BAZ1A: variants seen among roughly 807,000 people sequenced by gnomAD.
BAZ1A encodes bromodomain adjacent to zinc finger domain protein 1A.
In BAZ1A, 50 loss-of-function variants were observed where a neutral mutation model predicts 185.2. The ratio of observed to expected loss-of-function variants is 0.27; its 90% CI spans 0.22 to 0.34. The LOEUF (loss-of-function observed/expected upper bound fraction) is 0.34. Among genes scored for constraint, BAZ1A ranks in the 10% least tolerant of loss-of-function variants. The probability of loss-of-function intolerance (pLI) is 1.00; values close to 1 mark genes in which losing one functional copy is unlikely to be tolerated. For missense variants in BAZ1A, 1,356 were observed against 1,839.9 expected (o/e 0.74, Z 4.81); for synonymous variants, 571 against 615.6 (o/e 0.93, Z 1.07).
chr14:34,766,010 A>G (rs968337318), intron 21 of BAZ1A, among the ~76,000 whole-genome samples: 8 of 152,206 alleles, frequency 5.3e-5, no homozygotes, highest in Non-Finnish European at 1.0e-4. Flanking sequence ...TCCTACTATT[A>G]TTCTCAAATA....
intron 12 of BAZ1A, among the ~76,000 whole-genome samples, chr14:34,787,277 TG>T (rs1216445828): frequency 7.3e-6 from 1 of 137,284 alleles, no homozygotes. Context: ...CACTTGAACC[TG>T]GGAGGCAGAG....
chr14:34,864,136 A>AT (rs897665189), intron 2 of BAZ1A, among the ~76,000 whole-genome samples: 20 of 150,554 alleles, frequency 1.3e-4, no homozygotes, highest in South Asian at 2.1e-4. Flanking sequence ...TTGAATTTTT[A>AT]TTTTTTTTTA....
rs554840929 is a variant in BAZ1A at position 34,813,857 on chromosome 14, A to G, written c.537-2821T>C. On this transcript the variant is annotated intron_variant, in intron 4 of 26. Coordinates refer to ENST00000360310, the MANE Select transcript of BAZ1A (RefSeq NM_013448.3). ...GTTTAGTTTGCGACTAGCCTGGCCA[A>G]CATGGTGAAACCTCGTCTCTACTGA... 6.3e-4 allele frequency among the ~76,000 whole-genome samples: 96 copies of G among 152,172 alleles called. No individual in the cohort carries two copies. In the South Asian group the frequency reaches 7.9e-3, roughly 12 times the overall value.
At chr14:34,787,464 C>G (rs1880555089) in intron 12 of BAZ1A, among the ~76,000 whole-genome samples, 1 of 151,652 alleles carries the variant, frequency 6.6e-6, no homozygotes, top group African/African-American at 2.4e-5. Flanking sequence ...GCGGGCAGAT[C>G]ACTTGAGGTC....
chr14:34,754,417 C>CAAAAAAAAA (rs111245900), intron 26 of BAZ1A, among the ~76,000 whole-genome samples: 2 of 104,862 alleles, frequency 1.9e-5, no homozygotes, highest in African/African-American at 3.6e-5. Context: ...AGACGTATCT[C>CAAAAAAAAA]AAAAAAAAAA....
intron 17 of BAZ1A, among the ~76,000 whole-genome samples, chr14:34,779,441 G>T (rs932193419): frequency 6.8e-6 from 1 of 146,096 alleles, no homozygotes; most frequent in Non-Finnish European, 1.5e-5. Context: ...TAAAAGCTCT[G>T]ATCATATTAG....
At chr14:34,866,453 A>G in intron 2 of BAZ1A, among the ~76,000 whole-genome samples, 1 of 142,072 alleles carries the variant, frequency 7.0e-6, no homozygotes, top group East Asian at 2.0e-4. Flanking sequence ...GCACCATTGC[A>G]CTCTAGCCTG....
At position 34,862,130 on chromosome 14, in the gene BAZ1A, A is replaced by G. The variant is rs755212628; in HGVS notation, c.306T>C (p.His102=). The part of the protein sequence containing the change: ...LTSLTHRSRL[H]EICDDIFAYV... ...ATGCAAAGATATCATCACAAATTTC[A>G]TGTAAGCGCGAACGATGGGTAAGGC... is the stretch of plus-strand genomic sequence containing the variant. The change falls in exon 3 of 27, where the codon CAT becomes CAC. Residue 102 remains histidine, a synonymous_variant. Coordinates refer to ENST00000360310, the MANE Select transcript of BAZ1A (RefSeq NM_013448.3). 1.1e-5 allele frequency: 17 copies of G among 1,614,092 alleles called. No homozygotes were observed. The highest frequency in any genetic ancestry group is 6.7e-5 in the Admixed American group (4 of 59,996).
rs1043732731 is a variant in BAZ1A, at chr14:34,836,357, C to T, written c.393-10201G>A. On this transcript the variant is annotated intron_variant, in intron 3 of 26. Transcript: ENST00000360310. Reference sequence around the variant, plus strand: ...TCGCGCCACTGCACTCCAGCCTGGGCGACAGAGCGAGACTCCGTCTCAAAA... The same window carrying T: ...TCGCGCCACTGCACTCCAGCCTGGGTGACAGAGCGAGACTCCGTCTCAAAA... 1.6e-3 allele frequency among the ~76,000 whole-genome samples: 33 copies of T among 20,698 alleles called. 5 individuals are homozygous for T. Among genetic ancestry groups the T allele is most frequent in the African/African-American group, 4.7e-3 (33 of 6,978 alleles). The allele number at this position is 20,698 out of a possible 152,430, so 13.6% of individuals were successfully genotyped here. A position where few individuals can be genotyped will look rare whatever the true frequency, so the allele number is the denominator to read the frequency against.
chr14:34,777,036 G>A (rs899587730), intron 17 of BAZ1A, among the ~76,000 whole-genome samples: 20 of 152,208 alleles, frequency 1.3e-4, no homozygotes, highest in African/African-American at 4.8e-4. Context: ...TGCAAAATCT[G>A]TCATTTCCAT....
chr14:34,783,128 A>G lies in BAZ1A; in HGVS notation c.2102T>C (p.Ile701Thr), dbSNP rs1434834815. ...EDEQRNSTAD[I>T]SIGEEEREDF... ...GTGATTCAAACCATACCCAATAGAT[A>G]TATCTGCCGTTGAATTTCTTTGCTC... Residue 701 changes from isoleucine (I) to threonine (T), a missense_variant, in exon 16 of 27, where the codon ATA (isoleucine) becomes ACA (threonine). By Grantham distance (89) the Ile-to-Thr change is moderately conservative. This residue lies in a region of BAZ1A where 434 missense variants were observed against 561.7 expected (regional missense o/e 0.77). Transcript: ENST00000360310. 6.3e-7 allele frequency: 1 copy of G among 1,599,072 alleles called. No homozygotes were observed. Among genetic ancestry groups the G allele is most frequent in the Admixed American group, 1.7e-5 (1 of 59,770 alleles).
chr14:34,825,925 G>A (rs1190827292), intron 4 of BAZ1A, 88 bp downstream of exon 4: 1 of 1,291,414 alleles, frequency 7.7e-7, no homozygotes, highest in Non-Finnish European at 1.0e-6. Context: ...GCAAAAGAGT[G>A]AAACTCTATC....
At chr14:34,793,058 G>T in intron 11 of BAZ1A, 137 bp from the exon 12 acceptor site, 2 of 769,504 alleles carry the variant, frequency 2.6e-6, no homozygotes, top group East Asian at 3.0e-5. Context: ...GTATAACCAA[G>T]TATTATCCAA....
intron 7 of BAZ1A, among the ~76,000 whole-genome samples, chr14:34,801,631 G>A (rs1485555586): frequency 5.9e-5 from 9 of 152,240 alleles, no homozygotes; most frequent in Middle Eastern, 3.4e-3. Context: ...TAATTGGGCC[G>A]GGCACAGTGG....
chr14:34,848,810 G>A (rs372612663), intron 3 of BAZ1A, among the ~76,000 whole-genome samples: 4 of 151,998 alleles, frequency 2.6e-5, no homozygotes, highest in African/African-American at 7.3e-5. Context: ...AATCCAATTC[G>A]GCCATTTTAC....
rs1886116408 is a variant in BAZ1A, at chr14:34,753,714, G to A, written c.4475-10C>T. The A allele has an allele frequency of 2.6e-6, 4 of 1,539,080 alleles. No homozygotes were observed. Among genetic ancestry groups the A allele is most frequent in the East Asian group, 2.3e-5 (1 of 43,386 alleles). ...TCATCAATAAACTCAGCTAGAAAGG[G>A]AAAGAGACAAAAAGATTAGAATGAA... is the stretch of plus-strand genomic sequence containing the variant. On this transcript the variant is annotated splice_polypyrimidine_tract_variant and intron_variant, in intron 26 of 26. Coordinates refer to ENST00000360310, the MANE Select transcript of BAZ1A (RefSeq NM_013448.3).
intron 3 of BAZ1A, among the ~76,000 whole-genome samples, chr14:34,851,176 CAT>C (rs1159497493): frequency 1.6e-4 from 24 of 151,538 alleles, no homozygotes; most frequent in African/African-American, 2.7e-4. Flanking sequence ...CTGCTAAAAA[CAT>C]AAAAATTAGC....
chr14:34,770,283 A>G lies in BAZ1A; in HGVS notation c.3301+1228T>C, dbSNP rs1349639012. 2.6e-5 allele frequency among the ~76,000 whole-genome samples: 4 copies of G among 152,066 alleles called. No homozygotes were observed. The East Asian group carries it at 5.8e-4, about 22-fold the overall frequency. ...ATTCTCCTGCCTCAGCCTCCCAAGT[A>G]GCTGGGATTACAGGCATGCACCACC... On this transcript the variant is annotated intron_variant, in intron 21 of 26. Transcript: ENST00000360310.
chr14:34,862,184 T>C lies in BAZ1A; in HGVS notation c.252A>G (p.Pro84=). The change falls in exon 3 of 27, where the codon CCA becomes CCG. Residue 84 remains proline, a synonymous_variant. Transcript: ENST00000360310. ...ARQNLQSFPE[P]LIIPVLYLTS... ...TCAAGTATAAAACTGGAATAATTAG[T>C]GGTTCTGGAAAACTCTGAAGATTCT... is the stretch of plus-strand genomic sequence containing the variant. 1 of 1,614,196 alleles carries C rather than the reference T, an allele frequency of 6.2e-7. No homozygotes were observed. The highest frequency in any genetic ancestry group is 1.1e-5 in the South Asian group (1 of 91,088).
Sources: gnomAD v4.1 joint callset for allele counts (sites outside exome capture counted in the v4.1 genomes callset) on GRCh38, gnomAD v4.1.1 for gene constraint, gnomAD v4.1.1 regional missense constraint, MANE v1.5 for transcripts, NCBI Gene and HGNC (gene_info 2026-07-23, HGNC 2026-07-21) for gene names.